NTF3: variants seen among roughly 807,000 people sequenced by gnomAD.
NTF3 encodes neurotrophin 3, also known as neurotrophin-3.
Under a neutral mutation model 26.3 loss-of-function variants are expected in NTF3, and 8 were observed. That is an observed-to-expected ratio of 0.30 (90% CI 0.18 to 0.55). The LOEUF (loss-of-function observed/expected upper bound fraction) is 0.55. Ranked by LOEUF, NTF3 falls within the 20% of genes least tolerant of loss-of-function variation. The pLI is 0.93. For synonymous variants in NTF3, 154 were observed against 145.5 expected (o/e 1.06, Z -0.42); for missense variants, 276 against 352.9 (o/e 0.78, Z 1.75).
chr12:5,495,202 G>A lies in NTF3; in HGVS notation c.*214G>A. ...CTGTTAAAACTTGTTTTGTGATCCGGCTCTCAGGAGTCACTCTGTAAAATC... is the reference window on the plus strand; with the variant it reads ...CTGTTAAAACTTGTTTTGTGATCCGACTCTCAGGAGTCACTCTGTAAAATC... On this transcript the variant is annotated 3_prime_UTR_variant, in exon 2 of 2. Coordinates refer to ENST00000423158, the MANE Select transcript of NTF3 (RefSeq NM_001102654.2). The A allele has an allele frequency of 3.6e-6, 2 of 549,224 alleles. No homozygotes were observed. Among genetic ancestry groups the A allele is most frequent in the Non-Finnish European group, 6.5e-6 (2 of 307,014 alleles). The allele number at this position is 549,224 out of a possible 1,614,324, so 34.0% of individuals were successfully genotyped here. A position where few individuals can be genotyped will look rare whatever the true frequency, so the allele number is the denominator to read the frequency against.
intron 1 of NTF3, among the ~76,000 whole-genome samples, chr12:5,478,601 G>T (rs1940752584): frequency 6.6e-6 from 1 of 152,250 alleles, no homozygotes; most frequent in Admixed American, 6.5e-5. Context: ...ATCAGCTTAG[G>T]ATCACAGACC....
At chr12:5,454,570 T>G (rs1185634933) in intron 1 of NTF3, among the ~76,000 whole-genome samples, 2 of 152,218 alleles carry the variant, frequency 1.3e-5, no homozygotes, top group Admixed American at 6.5e-5. Flanking sequence ...TAACACATAG[T>G]CAGTTCTCTT....
intron 1 of NTF3, among the ~76,000 whole-genome samples, chr12:5,458,017 G>A (rs932878108): frequency 2.0e-5 from 3 of 152,038 alleles, no homozygotes; most frequent in African/African-American, 7.3e-5. Context: ...AAGTTAATTG[G>A]GTCATTTTTC....
intron 1 of NTF3, among the ~76,000 whole-genome samples, chr12:5,476,389 A>G (rs1449326615): frequency 6.6e-6 from 1 of 152,140 alleles, no homozygotes. Flanking sequence ...GAGGGGAGGG[A>G]AGACCTGAAA....
intron 1 of NTF3, among the ~76,000 whole-genome samples, chr12:5,439,028 T>C (rs1236923640): frequency 6.6e-6 from 1 of 152,220 alleles, no homozygotes; most frequent in Non-Finnish European, 1.5e-5. Context: ...TGTTTCCTTT[T>C]GGCCAAGAAT....
chr12:5,450,077 G>T (rs529343699), intron 1 of NTF3, among the ~76,000 whole-genome samples: 1 of 152,118 alleles, frequency 6.6e-6, no homozygotes, highest in Non-Finnish European at 1.5e-5. Context: ...CCAAAGCCTC[G>T]GTGGGACTCT....
At chr12:5,442,686 A>G (rs2121149651) in intron 1 of NTF3, among the ~76,000 whole-genome samples, 1 of 152,266 alleles carries the variant, frequency 6.6e-6, no homozygotes, top group African/African-American at 2.4e-5. Context: ...ACACCAGGAG[A>G]AACAGACGTG....
intron 1 of NTF3, among the ~76,000 whole-genome samples, chr12:5,487,706 G>A (rs1265428792): frequency 6.6e-6 from 1 of 152,112 alleles, no homozygotes; most frequent in African/African-American, 2.4e-5. Flanking sequence ...TTTAAGGAGA[G>A]GAACAACAGT....
intron 1 of NTF3, among the ~76,000 whole-genome samples, chr12:5,460,902 C>T (rs573869123): frequency 2.0e-5 from 3 of 152,288 alleles, no homozygotes; most frequent in South Asian, 2.1e-4. Context: ...CACACACATT[C>T]GCATTTATGC....
chr12:5,467,120 C>T (rs1448333577), intron 1 of NTF3, among the ~76,000 whole-genome samples: 1 of 150,422 alleles, frequency 6.6e-6, no homozygotes, highest in Non-Finnish European at 1.5e-5. Context: ...ATCCCAGCTA[C>T]TCGGGAGGCT....
At chr12:5,486,281 C>T (rs1446145078) in intron 1 of NTF3, among the ~76,000 whole-genome samples, 2 of 152,176 alleles carry the variant, frequency 1.3e-5, no homozygotes, top group Non-Finnish European at 2.9e-5. Context: ...AAGGTTTGGC[C>T]ATTGCCAAGC....
intron 1 of NTF3, among the ~76,000 whole-genome samples, chr12:5,452,874 C>T (rs1940393365): frequency 6.6e-6 from 1 of 152,202 alleles, no homozygotes; most frequent in Non-Finnish European, 1.5e-5. Context: ...CTCCTATATT[C>T]TCTTCCTACT....
intron 1 of NTF3, among the ~76,000 whole-genome samples, chr12:5,458,294 A>G (rs1318876160): frequency 6.6e-6 from 1 of 152,198 alleles, no homozygotes; most frequent in African/African-American, 2.4e-5. Flanking sequence ...CCACTTGAGC[A>G]TGACCGCCTC....
chr12:5,483,374 T>C (rs375134396), intron 1 of NTF3, among the ~76,000 whole-genome samples: 210 of 152,328 alleles, frequency 1.4e-3, no homozygotes, highest in South Asian at 3.5e-3. Flanking sequence ...CACTCCCGTG[T>C]TCTTCAGGGT....
Position 5,433,988 on chromosome 12 carries a change from G to A in NTF3, c.18+1646G>A, listed in dbSNP as rs1158910176. On this transcript the variant is annotated intron_variant, in intron 1 of 1. Transcript: ENST00000423158. The surrounding 1 kb of genome is among the most constrained non-coding windows in gnomAD (Gnocchi z 4.6). The stretch of plus-strand genomic sequence containing the variant: ...GTGCCCGCTCCTACCCCGCAAAACA[G>A]CGAACGAGGAGAACATGGAAGCGCT... 6.6e-6 allele frequency among the ~76,000 whole-genome samples: 1 copy of A among 152,314 alleles called. No homozygotes were observed. Among genetic ancestry groups the A allele is most frequent in the East Asian group, 1.9e-4 (1 of 5,184 alleles).
intron 1 of NTF3, among the ~76,000 whole-genome samples, chr12:5,459,357 G>T (rs1381229754): frequency 6.6e-6 from 1 of 152,158 alleles, no homozygotes. Context: ...GAAGCTCAAG[G>T]CTCAGTGTCT....
At chr12:5,439,026 T>G (rs1940206768) in intron 1 of NTF3, among the ~76,000 whole-genome samples, 1 of 152,202 alleles carries the variant, frequency 6.6e-6, no homozygotes, top group African/African-American at 2.4e-5. Context: ...AGTGTTTCCT[T>G]TTGGCCAAGA....
chr12:5,483,037 G>A (rs1940826617), intron 1 of NTF3, among the ~76,000 whole-genome samples: 1 of 150,306 alleles, frequency 6.7e-6, no homozygotes, highest in Admixed American at 6.6e-5. Context: ...CTGTATCTCT[G>A]TCTCTTTCTC....
At chr12:5,450,283 T>C (rs1296464473) in intron 1 of NTF3, among the ~76,000 whole-genome samples, 2 of 152,192 alleles carry the variant, frequency 1.3e-5, no homozygotes, top group African/African-American at 4.8e-5. Context: ...TGGAAACAGG[T>C]GAAACCCAGA....
Sources: allele counts gnomAD v4.1 joint callset (sites outside exome capture counted in the v4.1 genomes callset), GRCh38; gene constraint gnomAD v4.1.1; non-coding constraint Gnocchi (gnomAD v3.1); transcripts MANE v1.5; gene names NCBI Gene and HGNC (gene_info 2026-07-23, HGNC 2026-07-21).